The following SIX5 variants were observed in gnomAD, a reference collection of about 807,000 sequenced individuals.
The protein encoded by SIX5 is SIX homeobox 5.
A neutral mutation model predicts 37.1 loss-of-function variants in SIX5; 21 were observed. The ratio of observed to expected loss-of-function variants is 0.57; its 90% CI spans 0.40 to 0.81. The LOEUF is 0.81. Ranked by LOEUF, SIX5 falls within the 40% of genes least tolerant of loss-of-function variation. SIX5 has a pLI of 0.00. For synonymous variants in SIX5, 626 were observed against 505.9 expected, an observed-to-expected ratio of 1.24 and a Z score of -3.19; for missense variants, 1,137 against 1,025.1, an observed-to-expected ratio of 1.11 and a Z score of -1.49.
chr19:45,766,821 T>C lies in SIX5; in HGVS notation c.1138A>G (p.Thr380Ala). ...GGGTCCAGGACCAGAGAGGTCTTGG[T>C]CTCGCTGGCCCCCTGAGGGCTGGGC... ...PQPSPQGASE[T>A]KTSLVLDPQT... Residue 380 changes from threonine (T) to alanine (A), a missense_variant, in exon 2 of 3, where the codon ACC becomes GCC. Thr to Ala is a moderately conservative substitution (Grantham distance 58, BLOSUM62 0). Around this residue, in one of 3 missense-constraint regions of SIX5, gnomAD observed 787 missense variants for 621.4 expected, o/e 1.27. Coordinates refer to ENST00000317578, the MANE Select transcript of SIX5 (RefSeq NM_175875.5). The C allele has an allele frequency of 6.4e-7, 1 of 1,555,006 alleles. No homozygotes were observed. Among genetic ancestry groups the C allele is most frequent in the Non-Finnish European group, 8.7e-7 (1 of 1,153,282 alleles).
chr19:45,766,006 A>T lies in SIX5; in HGVS notation c.1715T>A (p.Leu572His). 6.2e-7 allele frequency: 1 copy of T among 1,606,826 alleles called. No homozygotes were observed. Among genetic ancestry groups the T allele is most frequent in the Admixed American group, 1.7e-5 (1 of 59,188 alleles). The change falls in exon 3 of 3, where the codon CTC (leucine) becomes CAC (histidine). Residue 572 changes from leucine to histidine, a missense_variant. By Grantham distance (99) the Leu-to-His change is moderately conservative. This residue lies in a region of SIX5 where 787 missense variants were observed against 621.4 expected (regional missense o/e 1.27). Coordinates refer to ENST00000317578, the MANE Select transcript of SIX5 (RefSeq NM_175875.5). ...ILTATFPTSM[L>H]VSQVLPPAPG... is the part of the protein sequence containing the mutation. ...GGCTGGCGGCAGGACCTGGGAGACGAGCATGCTGGTGGGGAAGGTGGCGGT... is the reference window on the plus strand; with the variant it reads ...GGCTGGCGGCAGGACCTGGGAGACGTGCATGCTGGTGGGGAAGGTGGCGGT...
Position 45,768,800 on chromosome 19 carries a change from C to T in SIX5, c.45G>A (p.Gly15=), listed in dbSNP as rs546371671. Reference sequence around the variant, plus strand: ...CCGCCGCCGCCGCCACCGCCTCCCCCCCAGCCGCCGGCCCCGCGCTCGGCT... The same window carrying T: ...CCGCCGCCGCCGCCACCGCCTCCCCTCCAGCCGCCGGCCCCGCGCTCGGCT... The part of the protein sequence containing the change: ...PAEPSAGPAA[G]GEAVAAAAAT... The change falls in exon 1 of 3, where the codon GGG becomes GGA. Residue 15 remains glycine, a synonymous_variant. Transcript: ENST00000317578. 41 of 1,530,184 alleles carry T rather than the reference C, an allele frequency of 2.7e-5. No individual in the cohort carries two copies. Among genetic ancestry groups the T allele is most frequent in the South Asian group, 1.9e-4 (16 of 83,458 alleles). The allele number at this position is 1,530,184 out of a possible 1,614,324, so 94.8% of individuals were successfully genotyped here.
chr19:45,765,845 C>T lies in SIX5; in HGVS notation c.1876G>A (p.Ala626Thr), dbSNP rs751513858. 30 of 1,599,930 alleles carry T rather than the reference C, an allele frequency of 1.9e-5. No homozygotes were observed. The highest frequency in any genetic ancestry group is 4.5e-5 in the East Asian group (2 of 44,840). Residue 626 changes from alanine (A) to threonine (T), a missense_variant, in exon 3 of 3, where the codon GCT becomes ACT. Physicochemically the swap from Ala to Thr is moderately conservative, Grantham distance 58. This residue lies in a region of SIX5 where 787 missense variants were observed against 621.4 expected (regional missense o/e 1.27). Coordinates refer to ENST00000317578, the MANE Select transcript of SIX5 (RefSeq NM_175875.5). ...AGGCTGGTGCTGGAGGTGGTGGCAGCGGCGGGGGGTGGCTGCTGTGCAGAA... is the reference window on the plus strand; with the variant it reads ...AGGCTGGTGCTGGAGGTGGTGGCAGTGGCGGGGGGTGGCTGCTGTGCAGAA... ...TLSAQQPPPA[A>T]ATTSSTSLPF...
Position 45,768,889 on chromosome 19 carries a change from C to T in SIX5, c.-45G>A, listed in dbSNP as rs568324148. Reference sequence around the variant, plus strand: ...TTCCTCCCTCCCTCTCTTCCTCCCTCGGGCTTTCCCCAGCCTCCTCCCCCA... The same window carrying T: ...TTCCTCCCTCCCTCTCTTCCTCCCTTGGGCTTTCCCCAGCCTCCTCCCCCA... On this transcript the variant is annotated 5_prime_UTR_variant, in exon 1 of 3. Coordinates refer to ENST00000317578, the MANE Select transcript of SIX5 (RefSeq NM_175875.5). 1,067 of 1,509,908 alleles carry T rather than the reference C, an allele frequency of 7.1e-4. 9 individuals are homozygous for T. The African/African-American group carries it at 0.013, about 19-fold the overall frequency. 93.5% of individuals were successfully genotyped at this position (1,509,908 alleles called of 1,614,324 possible).
Position 45,767,098 on chromosome 19 carries a change from C to G in SIX5, c.861G>C (p.Leu287=), listed in dbSNP as rs1027370406. The change falls in exon 2 of 3, where the codon CTG becomes CTC. Residue 287 remains leucine (L), a synonymous_variant. Transcript: ENST00000317578. ...EDESSRSPED[L]ERGAAPVSAE... The stretch of plus-strand genomic sequence containing the variant: ...CGGACACTGGGGCCGCCCCTCTCTC[C>G]AGGTCCTCAGGACTTCGGCTGGACT... 1.1e-5 allele frequency: 18 copies of G among 1,611,924 alleles called. No individual in the cohort carries two copies. Among genetic ancestry groups the G allele is most frequent in the Non-Finnish European group, 1.5e-5 (18 of 1,179,612 alleles).
At position 45,769,024 on chromosome 19, in the gene SIX5, C is replaced by T. The variant is rs1330259031; in HGVS notation, c.-180G>A. 6 of 600,660 alleles carry T rather than the reference C, an allele frequency of 1.0e-5. No individual in the cohort carries two copies. Among genetic ancestry groups the T allele is most frequent in the Admixed American group, 2.6e-5 (1 of 38,084 alleles). 37.2% of individuals were successfully genotyped at this position (600,660 alleles called of 1,614,324 possible). ...TCCAGCTCTCCACTCGGGTCTCTGT[C>T]CCCTTGTGTGTGTCCGTCCCCCTCC... is the stretch of plus-strand genomic sequence containing the variant. On this transcript the variant is annotated 5_prime_UTR_variant, in exon 1 of 3. Transcript: ENST00000317578.
In SIX5 at chr19:45,765,560, C is replaced by T. The variant is rs750672211; in HGVS notation, c.2161G>A (p.Glu721Lys). 26 of 1,613,336 alleles carry T rather than the reference C, an allele frequency of 1.6e-5. No homozygotes were observed. The highest frequency in any genetic ancestry group is 1.3e-4 in the East Asian group (6 of 44,894). The change falls in exon 3 of 3, where the codon GAG becomes AAG. Residue 721 changes from glutamate to lysine, a missense_variant. Physicochemically the swap from Glu to Lys is moderately conservative, Grantham distance 56. Around this residue, in one of 3 missense-constraint regions of SIX5, gnomAD observed 787 missense variants for 621.4 expected, o/e 1.27. Coordinates refer to ENST00000317578, the MANE Select transcript of SIX5 (RefSeq NM_175875.5). The stretch of plus-strand genomic sequence containing the variant: ...TGGAGCTGGGTCAGAACCTTGGCCT[C>T]AGCTTCCAACCCCTCGTCAACCTCA... ...GGEVDEGLEA[E>K]AKVLTQLQSV...
At position 45,766,500 on chromosome 19, in the gene SIX5, G is replaced by C; in HGVS notation, c.1459C>G (p.Leu487Val). 3 of 1,514,460 alleles carry C rather than the reference G, an allele frequency of 2.0e-6. No individual in the cohort carries two copies. The highest frequency in any genetic ancestry group is 1.4e-5 in the African/African-American group (1 of 72,492). 93.8% of individuals were successfully genotyped at this position (1,514,460 alleles called of 1,614,324 possible). A position where few individuals can be genotyped will look rare whatever the true frequency, so the allele number is the denominator to read the frequency against. ...QVVPTSQVVT[L>V]PQAVGPLQLL... ...TGCAGGGGCCCCACAGCCTGGGGCAGGGTCACCACCTGTGAGGTGGGTACT... is the reference window on the plus strand; with the variant it reads ...TGCAGGGGCCCCACAGCCTGGGGCACGGTCACCACCTGTGAGGTGGGTACT... Residue 487 changes from leucine to valine, a missense_variant, in exon 2 of 3, where the codon CTG becomes GTG. By Grantham distance (32) the Leu-to-Val change is conservative (BLOSUM62 1). Transcript: ENST00000317578.
rs1306489609 is a variant in SIX5, at chr19:45,769,224, T to G, written c.-380A>C. ...AGCCTCCGCCCCGAGACTGAGCTTCTGCACGCCTCCGTCTCCAGGGTCCTC... is the reference window on the plus strand; with the variant it reads ...AGCCTCCGCCCCGAGACTGAGCTTCGGCACGCCTCCGTCTCCAGGGTCCTC... On this transcript the variant is annotated 5_prime_UTR_variant, in exon 1 of 3. Transcript: ENST00000317578. 9.9e-6 allele frequency: 2 copies of G among 202,114 alleles called. No homozygotes were observed. Among genetic ancestry groups the G allele is most frequent in the Non-Finnish European group, 2.0e-5 (2 of 100,210 alleles). 12.5% of individuals were successfully genotyped at this position (202,114 alleles called of 1,614,324 possible).
chr19:45,768,451 G>A lies in SIX5; in HGVS notation c.394C>T (p.Leu132=), dbSNP rs1246573350. The change falls in exon 1 of 3, where the codon CTG becomes TTG. Residue 132 remains leucine (L), a synonymous_variant. Transcript: ENST00000317578. The part of the protein sequence containing the change: ...GSDPVLRARA[L]VAFQRGEYAE... The stretch of plus-strand genomic sequence containing the variant: ...TACTCGCCCCGCTGGAAGGCCACCA[G>A]GGCCCGCGCGCGCAACACCGGGTCG... 2 of 1,531,612 alleles carry A rather than the reference G, an allele frequency of 1.3e-6. No individual in the cohort carries two copies. The highest frequency in any genetic ancestry group is 1.7e-6 in the Non-Finnish European group (2 of 1,145,498). 94.9% of individuals were successfully genotyped at this position (1,531,612 alleles called of 1,614,324 possible).
rs1969138361 is a variant in SIX5, at chr19:45,768,547, G to A, written c.298C>T (p.Gln100Ter). Residue 100 changes from glutamine to a stop codon, truncating the protein, a stop_gained, in exon 1 of 3, where the codon CAG becomes TAG. Transcript: ENST00000317578. LOFTEE classifies it high-confidence loss of function. ...QVACVCEALLQAGHAGRLSRF... is the reference protein window; with the variant it reads ...QVACVCEALL The stretch of plus-strand genomic sequence containing the variant: ...CTCAAGCGGCCGGCGTGGCCCGCCT[G>A]GAGCAGCGCCTCGCAGACGCACGCC... 7.2e-7 allele frequency: 1 copy of A among 1,394,980 alleles called. No individual in the cohort carries two copies. The highest frequency in any genetic ancestry group is 1.6e-5 in the South Asian group (1 of 62,116). 86.4% of individuals were successfully genotyped at this position (1,394,980 alleles called of 1,614,324 possible).
At chr19:45,767,771 C>T in intron 1 of SIX5, 1 of 548,838 alleles carries the variant, frequency 1.8e-6, no homozygotes, top group Non-Finnish European at 3.2e-6. Context: ...GTGCCCCCCG[C>T]AGTGTGATTC....
In SIX5 at chr19:45,766,751, G is replaced by T; in HGVS notation, c.1208C>A (p.Pro403His). 1.3e-6 allele frequency: 2 copies of T among 1,580,106 alleles called. No individual in the cohort carries two copies. Among genetic ancestry groups the T allele is most frequent in the East Asian group, 2.3e-5 (1 of 42,692 alleles). ...AGCCACCTGGGCCCCTTTGGTCTCA[G>T]GGGCCTCCGACTGAGCCTCCTCCAG... is the stretch of plus-strand genomic sequence containing the variant. Reference protein sequence around the residue: ...VRLEEAQSEAPETKGAQVAAP... With the variant: ...VRLEEAQSEAHETKGAQVAAP... The change falls in exon 2 of 3, where the codon CCT becomes CAT. Residue 403 changes from proline to histidine, a missense_variant. By Grantham distance (77) the Pro-to-His change is moderately conservative. Around this residue, in one of 3 missense-constraint regions of SIX5, gnomAD observed 787 missense variants for 621.4 expected, o/e 1.27. Transcript: ENST00000317578.
chr19:45,765,200 A>C lies in SIX5; in HGVS notation c.*301T>G. ...GGGGCAGGGTGTTCCGCTTACAGCTAGTACCAAGTGGAGGGGGCAGGGCCC... is the reference window on the plus strand; with the variant it reads ...GGGGCAGGGTGTTCCGCTTACAGCTCGTACCAAGTGGAGGGGGCAGGGCCC... On this transcript the variant is annotated 3_prime_UTR_variant, in exon 3 of 3. Coordinates refer to ENST00000317578, the MANE Select transcript of SIX5 (RefSeq NM_175875.5). 1 of 510,542 alleles carries C rather than the reference A, an allele frequency of 2.0e-6. No homozygotes were observed. The allele number at this position is 510,542 out of a possible 1,614,324, so 31.6% of individuals were successfully genotyped here.
At chr19:45,767,859 G>T in intron 1 of SIX5, 183 bp downstream of exon 1, 1 of 613,498 alleles carries the variant, frequency 1.6e-6, no homozygotes, top group Non-Finnish European at 2.8e-6. Flanking sequence ...AGAGGGCCCG[G>T]GCGGGTGCCT....
In SIX5 at chr19:45,766,419, C is replaced by T. The variant is rs367864396; in HGVS notation, c.1540G>A (p.Ala514Thr). Reference sequence around the variant, plus strand: ...CCGGAGTTGATGAGGTGCACATTGGCAGGGCCTGCTGCAGCTGCCACCTTC... The same window carrying T: ...CCGGAGTTGATGAGGTGCACATTGGTAGGGCCTGCTGCAGCTGCCACCTTC... Reference protein sequence around the residue: ...PVKVAAAAGPANVHLINSGVG... With the variant: ...PVKVAAAAGPTNVHLINSGVG... Residue 514 changes from alanine to threonine, a missense_variant, in exon 2 of 3, where the codon GCC (alanine) becomes ACC (threonine). Physicochemically the swap from Ala to Thr is moderately conservative, Grantham distance 58. Around this residue, in one of 3 missense-constraint regions of SIX5, gnomAD observed 787 missense variants for 621.4 expected, o/e 1.27. Transcript: ENST00000317578. 32 of 1,575,730 alleles carry T rather than the reference C, an allele frequency of 2.0e-5. No individual in the cohort carries two copies. Among genetic ancestry groups the T allele is most frequent in the Non-Finnish European group, 2.7e-5 (31 of 1,161,934 alleles).
At position 45,766,581 on chromosome 19, in the gene SIX5, G is replaced by A. The variant is rs763277893; in HGVS notation, c.1378C>T (p.Pro460Ser). The A allele has an allele frequency of 6.8e-7, 1 of 1,471,532 alleles. No homozygotes were observed. The highest frequency in any genetic ancestry group is 9.0e-7 in the Non-Finnish European group (1 of 1,106,062). 91.2% of individuals were successfully genotyped at this position (1,471,532 alleles called of 1,614,324 possible). A position where few individuals can be genotyped will look rare whatever the true frequency, so the allele number is the denominator to read the frequency against. The change falls in exon 2 of 3, where the codon CCG becomes TCG. Residue 460 changes from proline (P) to serine (S), a missense_variant. Transcript: ENST00000317578. ...APQVVPLSPP[P>S]GYPTGLSPTS... ...GGGCTCAGGCCCGTGGGATACCCCG[G>A]GGGTGGGGAGAGCGGTACCACTTGT...
chr19:45,767,943 A>G, intron 1 of SIX5, 99 bp downstream of exon 1: 1 of 1,254,502 alleles, frequency 8.0e-7, no homozygotes, highest in East Asian at 2.5e-5. Flanking sequence ...ATGTCCGAGG[A>G]CCTCGGCGCG....
rs779813304 is a variant in SIX5, at chr19:45,768,080, G to GCGCTGT, written c.759_764dup (p.Gln254_Arg255dup). ...CGCCGCCTCCGGCCCCGGTCCGGTC[G>GCGCTGT]CGCTGTCGCCGGTTCTTGAACCAGT... On this transcript the variant is annotated inframe_insertion, in exon 1 of 3. Coordinates refer to ENST00000317578, the MANE Select transcript of SIX5 (RefSeq NM_175875.5). The GCGCTGT allele has an allele frequency of 6.2e-7, 1 of 1,600,440 alleles. No individual in the cohort carries two copies. Among genetic ancestry groups the GCGCTGT allele is most frequent in the South Asian group, 1.1e-5 (1 of 90,890 alleles).
Sources: allele counts gnomAD v4.1 joint callset, GRCh38; gene constraint gnomAD v4.1.1; regional missense constraint gnomAD v4.1.1; transcripts MANE v1.5; gene names NCBI Gene and HGNC (gene_info 2026-07-23, HGNC 2026-07-21).